NAT1: variants seen among roughly 807,000 people sequenced by gnomAD.
NAT1 encodes the protein arylamine N-acetyltransferase 1.
For synonymous variants in NAT1, 144 were observed against 122.6 expected (o/e 1.17, Z -1.16); for missense variants, 400 against 339.2 (o/e 1.18, Z -1.41).
intron 2 of NAT1, among the ~76,000 whole-genome samples, chr8:18,173,103 T>G (rs887400397): frequency 6.6e-6 from 1 of 151,786 alleles, no homozygotes; most frequent in African/African-American, 2.4e-5. Flanking sequence ...CTGACTGGGC[T>G]CTCCTGGCTG....
chr8:18,182,549 G>A (rs535752248), intron 2 of NAT1, among the ~76,000 whole-genome samples: 1 of 152,250 alleles, frequency 6.6e-6, no homozygotes, highest in South Asian at 2.1e-4. Context: ...TCACTGCTTT[G>A]CAGTGTCATA....
intron 2 of NAT1, among the ~76,000 whole-genome samples, chr8:18,191,524 G>T (rs578222821): frequency 6.6e-6 from 1 of 151,744 alleles, no homozygotes; most frequent in Non-Finnish European, 1.5e-5. Context: ...AAAAGAGCCC[G>T]CATCGCCAAG....
Position 18,222,264 on chromosome 8 carries a change from C to T in NAT1, c.217C>T (p.His73Tyr), listed in dbSNP as rs1805386440. 2 of 1,614,088 alleles carry T rather than the reference C, an allele frequency of 1.2e-6. No individual in the cohort carries two copies. The highest frequency in any genetic ancestry group is 1.1e-5 in the South Asian group (1 of 91,084). ...GGGTGGATGGTGTCTCCAGGTCAAT[C>T]ATCTTCTGTACTGGGCTCTGACCAC... ...NRGGWCLQVN[H>Y]LLYWALTTIG... is the part of the protein sequence containing the mutation. The change falls in exon 3 of 3, where the codon CAT becomes TAT. Residue 73 changes from histidine (H) to tyrosine (Y), a missense_variant. By Grantham distance (83) the His-to-Tyr change is moderately conservative. Transcript: ENST00000307719.
At position 18,222,824 on chromosome 8, in the gene NAT1, T is replaced by G. The variant is rs4986991; in HGVS notation, c.777T>G (p.Ser259Arg). Reference protein sequence around the residue: ...NTDLIEFKTLSEEEIEKVLKN... With the variant: ...NTDLIEFKTLREEEIEKVLKN... ...ATCTAATAGAGTTCAAGACTCTGAG[T>G]GAGGAAGAAATAGAAAAAGTGCTGA... Residue 259 changes from serine to arginine, a missense_variant, in exon 3 of 3, where the codon AGT becomes AGG. By Grantham distance (110) the Ser-to-Arg change is moderately radical. Transcript: ENST00000307719. The G allele has an allele frequency of 4.6e-4, 745 of 1,607,424 alleles. No homozygotes were observed. The highest frequency in any genetic ancestry group is 5.5e-4 in the Non-Finnish European group (649 of 1,177,850).
At chr8:18,173,537 C>G (rs1216290638) in intron 2 of NAT1, among the ~76,000 whole-genome samples, 3 of 152,144 alleles carry the variant, frequency 2.0e-5, no homozygotes, top group Non-Finnish European at 4.4e-5. Flanking sequence ...ACTGGGATGG[C>G]AATTGCAGAT....
intron 2 of NAT1, 79 bp downstream of exon 2, chr8:18,219,568 G>T: frequency 1.4e-6 from 1 of 732,132 alleles, no homozygotes; most frequent in South Asian, 1.8e-5. Context: ...TTATATTTAT[G>T]ATCAAGATGA....
At chr8:18,183,358 C>G (rs966806918) in intron 2 of NAT1, among the ~76,000 whole-genome samples, 1 of 152,178 alleles carries the variant, frequency 6.6e-6, no homozygotes, top group Non-Finnish European at 1.5e-5. Flanking sequence ...AGCATTCTGG[C>G]TGTGGTCCCC....
chr8:18,172,686 C>A (rs1802142283), intron 2 of NAT1, among the ~76,000 whole-genome samples: 1 of 152,168 alleles, frequency 6.6e-6, no homozygotes, highest in African/African-American at 2.4e-5. Context: ...CATCTTAATT[C>A]TGTTATAAAA....
At chr8:18,219,543 T>C (rs1263408962) in intron 2 of NAT1, 54 bp downstream of exon 2, 18 of 951,734 alleles carry the variant, frequency 1.9e-5, no homozygotes, top group Non-Finnish European at 2.9e-5. Flanking sequence ...ACGTTCACTC[T>C]GCCTCCTTTA....
At chr8:18,195,384 C>T (rs1371420065) in intron 2 of NAT1, among the ~76,000 whole-genome samples, 3 of 152,138 alleles carry the variant, frequency 2.0e-5, no homozygotes, top group Non-Finnish European at 4.4e-5. Context: ...CAGAAAGTGA[C>T]TGTAATTTAC....
At chr8:18,218,860 A>T (rs1332282958) in intron 1 of NAT1, among the ~76,000 whole-genome samples, 1 of 151,982 alleles carries the variant, frequency 6.6e-6, no homozygotes, top group Non-Finnish European at 1.5e-5. Flanking sequence ...TCTTTAGTGG[A>T]GGTGAGGGGA....
chr8:18,173,824 G>A (rs1368631708), intron 2 of NAT1, among the ~76,000 whole-genome samples: 2 of 152,108 alleles, frequency 1.3e-5, no homozygotes, highest in Admixed American at 1.3e-4. Flanking sequence ...CATAACATCA[G>A]AGAATAGCCT....
intron 2 of NAT1, among the ~76,000 whole-genome samples, chr8:18,197,653 G>C (rs551443993): frequency 2.6e-5 from 4 of 152,284 alleles, no homozygotes; most frequent in Admixed American, 6.5e-5. Flanking sequence ...TGGTGTGGCG[G>C]TTTGTCTAAA....
intron 2 of NAT1, among the ~76,000 whole-genome samples, chr8:18,203,900 G>A (rs1803584889): frequency 6.6e-6 from 1 of 152,166 alleles, no homozygotes; most frequent in African/African-American, 2.4e-5. Context: ...ATATGGGCTA[G>A]ACACGTTAAA....
chr8:18,176,220 C>G (rs1382241015), intron 2 of NAT1, among the ~76,000 whole-genome samples: 1 of 152,056 alleles, frequency 6.6e-6, no homozygotes, highest in Admixed American at 6.6e-5. Flanking sequence ...AATGTGATCC[C>G]AATTTGTCCA....
intron 2 of NAT1, among the ~76,000 whole-genome samples, chr8:18,176,096 T>A (rs1420307425): frequency 6.6e-6 from 1 of 152,124 alleles, no homozygotes; most frequent in Non-Finnish European, 1.5e-5. Flanking sequence ...CCTTATATAT[T>A]TTGAATATTA....
intron 2 of NAT1, among the ~76,000 whole-genome samples, chr8:18,184,356 C>T (rs746255985): frequency 3.3e-5 from 5 of 152,230 alleles, no homozygotes; most frequent in African/African-American, 9.6e-5. Flanking sequence ...CCACGGAGGG[C>T]GCCCTGGGCC....
chr8:18,182,644 T>C (rs1160992087), intron 2 of NAT1, among the ~76,000 whole-genome samples: 3 of 152,164 alleles, frequency 2.0e-5, no homozygotes, highest in Admixed American at 6.6e-5. Flanking sequence ...TCTTGATTTC[T>C]AGAACTAACT....
rs1805442327 is a variant in NAT1, at chr8:18,222,559, C to T, written c.512C>T (p.Pro171Leu). 6.2e-7 allele frequency: 1 copy of T among 1,614,044 alleles called. No homozygotes were observed. Among genetic ancestry groups the T allele is most frequent in the Admixed American group, 1.7e-5 (1 of 59,998 alleles). ...LDQIRREQYI[P>L]NEEFLHSDLL... ...CAAATCAGAAGGGAACAGTACATTC[C>T]AAATGAAGAATTTCTTCATTCTGAT... The change falls in exon 3 of 3, where the codon CCA becomes CTA. Residue 171 changes from proline (P) to leucine (L), a missense_variant. Pro to Leu is a moderately conservative substitution (Grantham distance 98). Coordinates refer to ENST00000307719, the MANE Select transcript of NAT1 (RefSeq NM_000662.8).
Sources: gnomAD v4.1 joint callset for allele counts (sites outside exome capture counted in the v4.1 genomes callset) on GRCh38, gnomAD v4.1.1 for gene constraint, MANE v1.5 for transcripts, NCBI Gene and HGNC (gene_info 2026-07-23, HGNC 2026-07-21) for gene names.